Variants in TFAP4 observed in about 807,000 individuals in gnomAD.
TFAP4 encodes transcription factor AP-4, also known as activating enhancer-binding protein 4.
In TFAP4, 7 loss-of-function variants were observed where a neutral mutation model predicts 40.4. That is an observed-to-expected ratio of 0.17 (90% CI 0.10 to 0.33). TFAP4 has a LOEUF of 0.33. Ranked by LOEUF, TFAP4 falls within the 10% of genes least tolerant of loss-of-function variation. The probability of loss-of-function intolerance (pLI) is 1.00; values close to 1 mark genes in which losing one functional copy is unlikely to be tolerated. For synonymous variants in TFAP4, 218 were observed against 181.4 expected (o/e 1.20, Z -1.62); for missense variants, 374 against 451.1 (o/e 0.83, Z 1.55).
intron 1 of TFAP4, 45 bp downstream of exon 1, chr16:4,272,613 G>A (rs747460288): frequency 4.1e-5 from 62 of 1,515,068 alleles, no homozygotes; most frequent in Non-Finnish European, 5.5e-5. Flanking sequence ...GGCTGGCCGG[G>A]GGCTGCAGTG....
At chr16:4,268,652 C>G (rs528844717) in intron 1 of TFAP4, among the ~76,000 whole-genome samples, 1 of 152,114 alleles carries the variant, frequency 6.6e-6, no homozygotes, top group African/African-American at 2.4e-5. Flanking sequence ...AGTGCAATGG[C>G]ATGATCTCGG....
rs1300374718 is a variant in TFAP4, at chr16:4,265,322, G to C, written c.90-2621C>G. 3.3e-5 allele frequency: 5 copies of C among 152,208 alleles called. No homozygotes were observed. The East Asian group carries it at 9.6e-4, about 29-fold the overall frequency. The allele number at this position is 152,208 out of a possible 1,614,324, so 9.4% of individuals were successfully genotyped here. A position where few individuals can be genotyped will look rare whatever the true frequency, so the allele number is the denominator to read the frequency against. ...GCAGGTGACAGTTATCCCTGTAAAA[G>C]AGAAGACTAGGCCGGGCACAGTGGC... is the stretch of plus-strand genomic sequence containing the variant. On this transcript the variant is annotated intron_variant, in intron 1 of 6. Coordinates refer to ENST00000204517, the MANE Select transcript of TFAP4 (RefSeq NM_003223.3).
chr16:4,258,357 G>GA (rs1263903359), intron 6 of TFAP4, 108 bp from the exon 7 acceptor site: 9 of 1,140,016 alleles, frequency 7.9e-6, no homozygotes, highest in South Asian at 3.1e-5. Context: ...ACATAGCCCA[G>GA]AAAAAAGCCT....
At chr16:4,266,399 A>T (rs1304042745) in intron 1 of TFAP4, 4 of 152,140 alleles carry the variant, frequency 2.6e-5, no homozygotes, top group Non-Finnish European at 5.9e-5. Flanking sequence ...CCCAAAAGGT[A>T]CAGTTCCTCG....
At chr16:4,258,276 G>T (rs771156880) in intron 6 of TFAP4, 27 bp from the exon 7 acceptor site, 3 of 1,538,198 alleles carry the variant, frequency 2.0e-6, no homozygotes, top group Non-Finnish European at 2.6e-6. Flanking sequence ...CACTGAGAAG[G>T]CTCGGCCGGG....
rs753605523 is a variant in TFAP4 at position 4,260,181 on chromosome 16, G to A, written c.731C>T (p.Pro244Leu). 2 of 1,595,180 alleles carry A rather than the reference G, an allele frequency of 1.3e-6. No individual in the cohort carries two copies. The highest frequency in any genetic ancestry group is 2.3e-5 in the South Asian group (2 of 88,808). The change falls in exon 6 of 7, where the codon CCC becomes CTC. Residue 244 changes from proline to leucine, a missense_variant. Around this residue, in one of 6 missense-constraint regions of TFAP4, gnomAD observed 161 missense variants for 154.2 expected, o/e 1.04. Transcript: ENST00000204517. ...TVIVPAPPPPPSHHINVVTMG... is the reference protein window; with the variant it reads ...TVIVPAPPPPLSHHINVVTMG... Reference sequence around the variant, plus strand: ...GGTGACGACATTGATGTGGTGGGAGGGAGGAGGAGGCGGTGCTGGCACGAT... The same window carrying A: ...GGTGACGACATTGATGTGGTGGGAGAGAGGAGGAGGCGGTGCTGGCACGAT...
intron 1 of TFAP4, among the ~76,000 whole-genome samples, chr16:4,272,102 C>A (rs971330907): frequency 6.6e-6 from 1 of 151,214 alleles, no homozygotes; most frequent in African/African-American, 2.4e-5. Flanking sequence ...CCCCCAACAC[C>A]CACACGCGAG....
rs765360439 is a variant in TFAP4 at position 4,261,969 on chromosome 16, G to T, written c.355-20C>A. The T allele has an allele frequency of 2.5e-6, 4 of 1,587,170 alleles. No individual in the cohort carries two copies. The highest frequency in any genetic ancestry group is 3.4e-6 in the Non-Finnish European group (4 of 1,169,414). On this transcript the variant is annotated intron_variant, in intron 3 of 6. Coordinates refer to ENST00000204517, the MANE Select transcript of TFAP4 (RefSeq NM_003223.3). ...CAGCTCCTGGGGACCCCAAGGAGTC[G>T]GTCAGTGTGCCTGACACCTCGGTAC...
chr16:4,270,418 T>C (rs1356168115), intron 1 of TFAP4, among the ~76,000 whole-genome samples: 1 of 152,166 alleles, frequency 6.6e-6, no homozygotes, highest in African/African-American at 2.4e-5. Context: ...CAGCCTGAGA[T>C]GACCCTGAGA....
intron 6 of TFAP4, among the ~76,000 whole-genome samples, chr16:4,259,479 C>T (rs779911955): frequency 1.8e-4 from 27 of 152,168 alleles, no homozygotes; most frequent in African/African-American, 4.3e-4. Context: ...TTATTAAAGG[C>T]GTTTGTTATT....
intron 1 of TFAP4, 29 bp from the exon 2 acceptor site, chr16:4,262,730 C>T: frequency 6.3e-7 from 1 of 1,599,296 alleles, no homozygotes; most frequent in African/African-American, 1.3e-5. Context: ...ACAGGCTCGG[C>T]CAAGGCGCCC....
chr16:4,267,952 A>G (rs1280932957), intron 1 of TFAP4: 1 of 152,608 alleles, frequency 6.6e-6, no homozygotes, highest in Middle Eastern at 3.1e-3. Context: ...GCCATCAGAA[A>G]CATCCCTGCC....
intron 6 of TFAP4, among the ~76,000 whole-genome samples, chr16:4,259,555 T>C (rs1319081012): frequency 6.6e-6 from 1 of 152,212 alleles, no homozygotes; most frequent in African/African-American, 2.4e-5. Flanking sequence ...TGGATTTTTT[T>C]TCCTGTTTTG....
chr16:4,257,848 C>A lies in TFAP4; in HGVS notation c.*207G>T. The stretch of plus-strand genomic sequence containing the variant: ...CCGCCCTGGGGTGCCGATGCTCCCA[C>A]ACGCTCTGCGACACCCCAGCCCCGG... On this transcript the variant is annotated 3_prime_UTR_variant, in exon 7 of 7. Coordinates refer to ENST00000204517, the MANE Select transcript of TFAP4 (RefSeq NM_003223.3). The A allele has an allele frequency of 1.8e-6, 1 of 567,870 alleles. No homozygotes were observed. The allele number at this position is 567,870 out of a possible 1,614,324, so 35.2% of individuals were successfully genotyped here.
In TFAP4 at chr16:4,261,853, G is replaced by T; in HGVS notation, c.451C>A (p.Leu151Met). 1 of 1,613,560 alleles carries T rather than the reference G, an allele frequency of 6.2e-7. No homozygotes were observed. The change falls in exon 4 of 7, where the codon CTG becomes ATG. Residue 151 changes from leucine (L) to methionine (M), a missense_variant. By Grantham distance (15) the Leu-to-Met change is conservative (BLOSUM62 2). This residue lies in a region of TFAP4 where 161 missense variants were observed against 154.2 expected (regional missense o/e 1.04). Transcript: ENST00000204517. ...CGCAGCTCAATCATCTCCCGCCGCA[G>T]GTCCTCCGCCTTCTCGTCCTCCCAG... Reference protein sequence around the residue: ...DIWEDEKAEDLRREMIELRQQ... With the variant: ...DIWEDEKAEDMRREMIELRQQ...
rs1346121087 is a variant in TFAP4, at chr16:4,260,443, C to T, written c.666+12G>A. ...GGTCCCCAGAGCCCACTCCCGGGCG[C>T]CTCCTGCTCACCTGGGTCCGCAGCT... On this transcript the variant is annotated intron_variant, in intron 5 of 6. Coordinates refer to ENST00000204517, the MANE Select transcript of TFAP4 (RefSeq NM_003223.3). 6.4e-7 allele frequency: 1 copy of T among 1,569,236 alleles called. No individual in the cohort carries two copies. Among genetic ancestry groups the T allele is most frequent in the Non-Finnish European group, 8.6e-7 (1 of 1,158,104 alleles).
intron 1 of TFAP4, 59 bp from the exon 2 acceptor site, chr16:4,262,760 G>A: frequency 6.4e-7 from 1 of 1,571,544 alleles, no homozygotes; most frequent in South Asian, 1.1e-5. Context: ...TTCATCTCCA[G>A]AGGGCCCCAG....
At position 4,258,123 on chromosome 16, in the gene TFAP4, C is replaced by T. The variant is rs781468496; in HGVS notation, c.949G>A (p.Glu317Lys). 5.0e-6 allele frequency: 8 copies of T among 1,613,758 alleles called. No homozygotes were observed. Among genetic ancestry groups the T allele is most frequent in the South Asian group, 1.1e-5 (1 of 91,068 alleles). The change falls in exon 7 of 7, where the codon GAG becomes AAG. Residue 317 changes from glutamate (E) to lysine (K), a missense_variant. By Grantham distance (56) the Glu-to-Lys change is moderately conservative (BLOSUM62 1). This residue lies in a region of TFAP4 where 93 missense variants were observed against 79.2 expected (regional missense o/e 1.17). Coordinates refer to ENST00000204517, the MANE Select transcript of TFAP4 (RefSeq NM_003223.3). ...TCCATGGCGTCACTGTCTGAGGCCT[C>T]GGAGTCGGAGGCGGTGTCAGAGGTG... Reference protein sequence around the residue: ...APTSDTASDSEASDSDAMDQS... With the variant: ...APTSDTASDSKASDSDAMDQS...
rs968995323 is a variant in TFAP4, at chr16:4,268,899, G to GT, written c.89+3758dup. Among the ~76,000 whole-genome samples the GT allele has an allele frequency of 2.8e-3, 428 of 151,336 alleles. 5 individuals carry two copies. The highest frequency in any genetic ancestry group is 9.7e-3 in the African/African-American group (400 of 41,236). On this transcript the variant is annotated intron_variant, in intron 1 of 6. Transcript: ENST00000204517. ...GTGAGCCACTGCACCCAGTCTTACT[G>GT]TTTTTTTTAAGAGACAGGGTCTCTG... is the stretch of plus-strand genomic sequence containing the variant.
Sources: gnomAD v4.1 joint callset for allele counts (sites outside exome capture counted in the v4.1 genomes callset) on GRCh38, gnomAD v4.1.1 for gene constraint, gnomAD v4.1.1 regional missense constraint, MANE v1.5 for transcripts, NCBI Gene and HGNC (gene_info 2026-07-23, HGNC 2026-07-21) for gene names.